Variants in ALG8 observed in about 807,000 individuals in gnomAD.
ALG8 encodes the protein dolichyl pyrophosphate Glc1Man9GlcNAc2 alpha-1,3-glucosyltransferase.
In ALG8, 48 loss-of-function variants were observed where a neutral mutation model predicts 70.2. That is an observed-to-expected ratio of 0.68 (90% CI 0.54 to 0.87). The LOEUF (loss-of-function observed/expected upper bound fraction) is 0.87, where lower values mean the gene tolerates loss of function less well. Among genes scored for constraint, ALG8 ranks in the 40% least tolerant of loss-of-function variants. The pLI is 0.00. For synonymous variants in ALG8, 234 were observed against 229.0 expected, an observed-to-expected ratio of 1.02 and a Z score of -0.20; for missense variants, 572 against 608.7, an observed-to-expected ratio of 0.94 and a Z score of 0.64.
Position 78,104,355 on chromosome 11 carries a change from C to T in ALG8, c.1276+1G>A, listed in dbSNP as rs1387305127. The stretch of plus-strand genomic sequence containing the variant: ...TATTTTTCTCAGAAGACGCTGTTTA[C>T]CTGGTGCAGTGAAGAGCAGAGGAAA... On this transcript the variant is annotated splice_donor_variant, in intron 11 of 12. Coordinates refer to ENST00000299626, the MANE Select transcript of ALG8 (RefSeq NM_024079.5). LOFTEE classifies it high-confidence loss of function. 3.2e-6 allele frequency: 5 copies of T among 1,583,940 alleles called. No individual in the cohort carries two copies. The highest frequency in any genetic ancestry group is 4.3e-6 in the Non-Finnish European group (5 of 1,165,080).
chr11:78,101,346 G>T (rs1481201431), intron 12 of ALG8, 151 bp from the exon 13 acceptor site: 3 of 730,968 alleles, frequency 4.1e-6, no homozygotes, highest in Non-Finnish European at 4.5e-6. Context: ...TTCACATTTA[G>T]GGCCAAGTGC....
Position 78,110,724 on chromosome 11 carries a change from A to G in ALG8, c.899-1143T>C, listed in dbSNP as rs76648660. ...ACAGTCAGAGACAGTTTGAGCACCT[A>G]TAGGGCCTGTCAAATGCCAGTGAAA... On this transcript the variant is annotated intron_variant, in intron 8 of 12. Transcript: ENST00000299626. Among the ~76,000 whole-genome samples, 543 of 152,328 alleles carry G rather than the reference A, an allele frequency of 3.6e-3. 3 individuals are homozygous for G. Among genetic ancestry groups the G allele is most frequent in the African/African-American group, 0.013 (525 of 41,568 alleles).
intron 3 of ALG8, 92 bp from the exon 4 acceptor site, chr11:78,121,266 C>A: frequency 1.1e-6 from 1 of 905,494 alleles, no homozygotes; most frequent in Non-Finnish European, 1.8e-6. Flanking sequence ...ATTAGTCATT[C>A]CTGACAAACT....
intron 2 of ALG8, 30 bp downstream of exon 2, chr11:78,127,328 A>G (rs1590835039): frequency 2.1e-5 from 2 of 95,188 alleles, no homozygotes; most frequent in East Asian, 7.3e-4. Flanking sequence ...GATGAATCTT[A>G]AAAAAAAAAA....
At chr11:78,131,451 A>C (rs546237370) in intron 1 of ALG8, among the ~76,000 whole-genome samples, 2 of 152,210 alleles carry the variant, frequency 1.3e-5, no homozygotes, top group Admixed American at 6.6e-5. Flanking sequence ...AAAAAACTTA[A>C]AAATTAGCTG....
chr11:78,110,574 G>C (rs1860241128), intron 8 of ALG8, among the ~76,000 whole-genome samples: 1 of 152,122 alleles, frequency 6.6e-6, no homozygotes, highest in South Asian at 2.1e-4. Context: ...TGTATTCCTT[G>C]AAGGCAGGAA....
At chr11:78,139,257 G>A (rs1861691787) in intron 1 of ALG8, 2 of 562,112 alleles carry the variant, frequency 3.6e-6, no homozygotes, top group African/African-American at 1.9e-5. Flanking sequence ...TGAGGACCCT[G>A]AGGTTCAGAA....
At chr11:78,121,232 C>A in intron 3 of ALG8, 58 bp from the exon 4 acceptor site, 1 of 1,179,636 alleles carries the variant, frequency 8.5e-7, no homozygotes, top group Non-Finnish European at 1.3e-6. Context: ...CGGAACATCA[C>A]TTCTGCAGAG....
chr11:78,113,678 AT>A (rs1351864413), intron 7 of ALG8, among the ~76,000 whole-genome samples: 1 of 150,120 alleles, frequency 6.7e-6, no homozygotes, highest in Non-Finnish European at 1.5e-5. Context: ...ACGCCACTGC[AT>A]TCCAGCCTGG....
intron 9 of ALG8, among the ~76,000 whole-genome samples, chr11:78,107,451 C>T (rs1860092689): frequency 6.7e-6 from 1 of 148,696 alleles, no homozygotes; most frequent in South Asian, 2.1e-4. Flanking sequence ...AAAATCCTGA[C>T]CTCGTGATCT....
chr11:78,107,945 G>A (rs1860119296), intron 9 of ALG8, among the ~76,000 whole-genome samples: 2 of 151,240 alleles, frequency 1.3e-5, no homozygotes, highest in Non-Finnish European at 2.9e-5. Context: ...AGGAGTTCAA[G>A]ACCAGCCTGG....
At chr11:78,136,732 T>G (rs983584085) in intron 1 of ALG8, among the ~76,000 whole-genome samples, 4 of 152,162 alleles carry the variant, frequency 2.6e-5, no homozygotes, top group Non-Finnish European at 5.9e-5. Flanking sequence ...CTAGATGTCA[T>G]AGATGGCATC....
rs531852929 is a variant in ALG8 at position 78,126,523 on chromosome 11, A to G, written c.174+835T>C. 2.4e-5 allele frequency among the ~76,000 whole-genome samples: 3 copies of G among 124,654 alleles called. No homozygotes were observed. The East Asian group carries it at 6.8e-4, about 28-fold the overall frequency. 81.8% of individuals were successfully genotyped at this position (124,654 alleles called of 152,430 possible). A position where few individuals can be genotyped will look rare whatever the true frequency, so the allele number is the denominator to read the frequency against. On this transcript the variant is annotated intron_variant, in intron 2 of 12. Transcript: ENST00000299626. ...CTCCAGCCTGGGTGACAAGAGCGAG[A>G]CTCTGTCTCAAAAAAAAAAAAAAGG...
chr11:78,103,187 C>A (rs577367418), intron 12 of ALG8, among the ~76,000 whole-genome samples: 1 of 151,802 alleles, frequency 6.6e-6, no homozygotes, highest in African/African-American at 2.4e-5. Flanking sequence ...TAGCCGGGCA[C>A]AGCAGCTCAC....
At chr11:78,105,909 A>C (rs557115804) in intron 10 of ALG8, among the ~76,000 whole-genome samples, 1 of 151,710 alleles carries the variant, frequency 6.6e-6, no homozygotes, top group African/African-American at 2.4e-5. Flanking sequence ...GGATTTTGCC[A>C]TGTTGGCCAG....
At chr11:78,134,232 G>C (rs577988464) in intron 1 of ALG8, among the ~76,000 whole-genome samples, 1 of 152,062 alleles carries the variant, frequency 6.6e-6, no homozygotes, top group Non-Finnish European at 1.5e-5. Flanking sequence ...TCGCCTCCTG[G>C]GTTCAAGTGA....
intron 10 of ALG8, 60 bp from the exon 11 acceptor site, chr11:78,104,513 A>G: frequency 2.1e-6 from 3 of 1,426,342 alleles, no homozygotes; most frequent in Non-Finnish European, 2.9e-6. Context: ...AATAGCTTAA[A>G]TAAACTGCAT....
chr11:78,105,389 G>A (rs1859974319), intron 10 of ALG8, among the ~76,000 whole-genome samples: 1 of 152,058 alleles, frequency 6.6e-6, no homozygotes, highest in African/African-American at 2.4e-5. Context: ...TTTTTAGCAT[G>A]GCATAGTGAA....
chr11:78,121,209 CT>C, intron 3 of ALG8, 35 bp from the exon 4 acceptor site: 1 of 1,448,980 alleles, frequency 6.9e-7, no homozygotes, highest in Non-Finnish European at 9.7e-7. Flanking sequence ...ACAGAAACAA[CT>C]TTGATCTTCA....
Sources: gnomAD v4.1 joint callset for allele counts (sites outside exome capture counted in the v4.1 genomes callset) on GRCh38, gnomAD v4.1.1 for gene constraint, MANE v1.5 for transcripts, NCBI Gene and HGNC (gene_info 2026-07-23, HGNC 2026-07-21) for gene names.